Variants in KHDRBS2 observed in about 807,000 individuals in gnomAD.
KHDRBS2 encodes the protein KH domain-containing, RNA-binding, signal transduction-associated protein 2.
KHDRBS2 carries 26 observed loss-of-function variants against 44.3 expected under a neutral mutation model. The ratio of observed to expected loss-of-function variants is 0.59; its 90% CI spans 0.43 to 0.81. KHDRBS2 has a LOEUF of 0.81. Among genes scored for constraint, KHDRBS2 ranks in the 40% least tolerant of loss-of-function variants. The pLI is 0.00. For missense variants in KHDRBS2, 476 were observed against 433.1 expected (o/e 1.10, Z -0.88); for synonymous variants, 194 against 151.1 (o/e 1.28, Z -2.08).
intron 4 of KHDRBS2, among the ~76,000 whole-genome samples, chr6:61,923,708 C>CAAAT (rs1164942660): frequency 4.6e-5 from 7 of 152,076 alleles, no homozygotes; most frequent in Non-Finnish European, 7.4e-5. Flanking sequence ...GAAAAACCAA[C>CAAAT]AAATATCATA....
chr6:61,713,286 G>A (rs1770833674), intron 7 of KHDRBS2, among the ~76,000 whole-genome samples: 1 of 151,386 alleles, frequency 6.6e-6, no homozygotes, highest in Non-Finnish European at 1.5e-5. Flanking sequence ...TAATAAACAT[G>A]AACTTAATAA....
intron 2 of KHDRBS2, among the ~76,000 whole-genome samples, chr6:62,102,500 C>T (rs1002644457): frequency 1.6e-4 from 25 of 152,304 alleles, no homozygotes; most frequent in Admixed American, 1.5e-3. Context: ...GGTCTCGGCC[C>T]CAGAGGGCTG....
At chr6:62,041,519 G>A (rs1268893723) in intron 3 of KHDRBS2, among the ~76,000 whole-genome samples, 3 of 152,020 alleles carry the variant, frequency 2.0e-5, no homozygotes, top group Non-Finnish European at 4.4e-5. Context: ...CTTACAATAT[G>A]GTGGGAGAGA....
intron 2 of KHDRBS2, among the ~76,000 whole-genome samples, chr6:62,069,210 G>A (rs1486663768): frequency 6.6e-6 from 1 of 151,528 alleles, no homozygotes; most frequent in Non-Finnish European, 1.5e-5. Flanking sequence ...CCAATAACTA[G>A]ACAGTTGATT....
At chr6:61,775,522 T>C (rs1464609017) in intron 6 of KHDRBS2, among the ~76,000 whole-genome samples, 2 of 152,120 alleles carry the variant, frequency 1.3e-5, no homozygotes, top group Non-Finnish European at 2.9e-5. Context: ...AGCCAAATCA[T>C]GAGTGAACTC....
the KHDRBS2 span, among the ~76,000 whole-genome samples, chr6:61,557,623 T>A: frequency 1.3e-5 from 2 of 152,224 alleles, no homozygotes; most frequent in Non-Finnish European, 2.9e-5. Flanking sequence ...CTGGTTTTGA[T>A]ATCAGGATAA....
At chr6:62,051,076 T>G (rs1271130542) in intron 2 of KHDRBS2, among the ~76,000 whole-genome samples, 1 of 152,094 alleles carries the variant, frequency 6.6e-6, no homozygotes, top group Admixed American at 6.6e-5. Context: ...GGTGTTAGAC[T>G]TCATAAGAGT....
At chr6:61,686,729 T>C (rs1407278803) in intron 8 of KHDRBS2, among the ~76,000 whole-genome samples, 1 of 151,536 alleles carries the variant, frequency 6.6e-6, no homozygotes, top group Non-Finnish European at 1.5e-5. Context: ...GTTGGGAAAA[T>C]ACAGAATTTT....
intron 7 of KHDRBS2, among the ~76,000 whole-genome samples, chr6:61,729,738 C>A (rs1774147534): frequency 6.6e-6 from 1 of 151,968 alleles, no homozygotes; most frequent in Non-Finnish European, 1.5e-5. Flanking sequence ...ATTTGTATAT[C>A]TTCTTTGGTG....
In KHDRBS2 at chr6:62,234,689, G is replaced by A. The variant is rs191041299; in HGVS notation, c.91+51169C>T. ...TCATCAAATACCTAATGTCCATTTA[G>A]CACTGACTACCTCATTACTTGACTT... On this transcript the variant is annotated intron_variant, in intron 1 of 8. Coordinates refer to ENST00000281156, the MANE Select transcript of KHDRBS2 (RefSeq NM_152688.4). Among the ~76,000 whole-genome samples, 18 of 152,128 alleles carry A rather than the reference G, an allele frequency of 1.2e-4. No homozygotes were observed. The East Asian group carries it at 3.5e-3, about 29-fold the overall frequency.
At chr6:61,802,364 C>T (rs1025477103) in intron 6 of KHDRBS2, among the ~76,000 whole-genome samples, 11 of 152,114 alleles carry the variant, frequency 7.2e-5, no homozygotes, top group African/African-American at 2.4e-4. Context: ...TGATGTAATG[C>T]TCTCAATCAT....
chr6:62,223,408 G>C (rs1274383971), intron 1 of KHDRBS2, among the ~76,000 whole-genome samples: 1 of 152,162 alleles, frequency 6.6e-6, no homozygotes, highest in African/African-American at 2.4e-5. Context: ...TTTCTCCTAG[G>C]CCTCTGGGCC....
chr6:62,189,336 A>T lies in KHDRBS2; in HGVS notation c.92-12024T>A, dbSNP rs186728071. 2.0e-4 allele frequency among the ~76,000 whole-genome samples: 30 copies of T among 151,646 alleles called. No individual in the cohort carries two copies. The East Asian group carries it at 4.3e-3, about 22-fold the overall frequency. On this transcript the variant is annotated intron_variant, in intron 1 of 8. Transcript: ENST00000281156. ...CAAATGACCACCACTTCTTTTTTTTAAATTTTTTATTTTATTTTATTATTA... is the reference window on the plus strand; with the variant it reads ...CAAATGACCACCACTTCTTTTTTTTTAATTTTTTATTTTATTTTATTATTA...
At chr6:62,173,270 C>A (rs1159261957) in intron 2 of KHDRBS2, among the ~76,000 whole-genome samples, 1 of 151,384 alleles carries the variant, frequency 6.6e-6, no homozygotes, top group Non-Finnish European at 1.5e-5. Context: ...AGGGATCCCA[C>A]AGAAATACAA....
rs80288508 is a variant in KHDRBS2 at position 61,917,868 on chromosome 6, C to T, written c.484-16497G>A. Among the ~76,000 whole-genome samples, 227 of 151,932 alleles carry T rather than the reference C, an allele frequency of 1.5e-3. 1 individual carries two copies. Among genetic ancestry groups the T allele is most frequent in the African/African-American group, 5.2e-3 (214 of 41,490 alleles). ...TCAATAGCATAATGTTATGAAATAT[C>T]GACCATTTCATCAAGTTGAAACAGC... On this transcript the variant is annotated intron_variant, in intron 4 of 8. Coordinates refer to ENST00000281156, the MANE Select transcript of KHDRBS2 (RefSeq NM_152688.4).
At chr6:61,822,842 A>T (rs188636697) in intron 6 of KHDRBS2, among the ~76,000 whole-genome samples, 1 of 152,080 alleles carries the variant, frequency 6.6e-6, no homozygotes, top group African/African-American at 2.4e-5. Flanking sequence ...CTCAGAAGAG[A>T]TCAGTGTCTC....
intron 1 of KHDRBS2, among the ~76,000 whole-genome samples, chr6:62,192,906 A>C (rs1824909155): frequency 6.6e-6 from 1 of 152,130 alleles, no homozygotes; most frequent in African/African-American, 2.4e-5. Context: ...CTTGTTGCTC[A>C]TACTACTCCT....
chr6:62,022,190 TA>T (rs1782474796), intron 3 of KHDRBS2, among the ~76,000 whole-genome samples: 1 of 151,582 alleles, frequency 6.6e-6, no homozygotes, highest in African/African-American at 2.4e-5. Flanking sequence ...CATGTTTAAT[TA>T]AAAGTAAAAA....
chr6:62,064,638 G>A (rs1477411539), intron 2 of KHDRBS2, among the ~76,000 whole-genome samples: 1 of 151,484 alleles, frequency 6.6e-6, no homozygotes, highest in Non-Finnish European at 1.5e-5. Flanking sequence ...ATTCAAGATG[G>A]ATTAAAGATT....
Sources: allele counts gnomAD v4.1 joint callset (sites outside exome capture counted in the v4.1 genomes callset), GRCh38; gene constraint gnomAD v4.1.1; transcripts MANE v1.5; gene names NCBI Gene and HGNC (gene_info 2026-07-23, HGNC 2026-07-21).